The following DLGAP2 variants were observed in gnomAD, a reference collection of about 807,000 sequenced individuals.
The protein encoded by DLGAP2 is DLG associated protein 2, also known as disks large-associated protein 2.
A neutral mutation model predicts 100.3 loss-of-function variants in DLGAP2; 26 were observed. The observed-to-expected ratio is 0.26, with a 90% CI of 0.19 to 0.36. The LOEUF is 0.36. Ranked by LOEUF, DLGAP2 falls within the 10% of genes least tolerant of loss-of-function variation. The probability of loss-of-function intolerance (pLI) is 1.00; values close to 1 mark genes in which losing one functional copy is unlikely to be tolerated. For missense variants in DLGAP2, 1,858 were observed against 1,453.2 expected (o/e 1.28, Z -4.53); for synonymous variants, 886 against 630.1 (o/e 1.41, Z -6.08).
At chr8:1,497,708 G>A (rs4876069) in intron 3 of DLGAP2, among the ~76,000 whole-genome samples, 84,260 of 152,096 alleles carry the variant, frequency 0.55, 25,332 homozygotes, top group South Asian at 0.71. Context: ...TTCTTGCCTA[G>A]TGAGGGTTCT....
chr8:1,458,079 T>G (rs1798372107), intron 3 of DLGAP2, among the ~76,000 whole-genome samples: 2 of 148,690 alleles, frequency 1.3e-5, no homozygotes, highest in Non-Finnish European at 3.0e-5. Flanking sequence ...ATTTTTTGTA[T>G]GTGTTTTTAG....
At chr8:925,155 A>G (rs1334108281) in intron 2 of DLGAP2, among the ~76,000 whole-genome samples, 1 of 151,912 alleles carries the variant, frequency 6.6e-6, no homozygotes, top group African/African-American at 2.4e-5. Context: ...CTTTTAGAGA[A>G]GAAATCTTAT....
In DLGAP2 at chr8:1,447,587, G is replaced by A. The variant is rs144224528; in HGVS notation, c.107-53779G>A. 6.3e-3 allele frequency among the ~76,000 whole-genome samples: 963 copies of A among 152,342 alleles called. 8 individuals are homozygous for A. The highest frequency in any genetic ancestry group is 0.021 in the African/African-American group (888 of 41,578). On this transcript the variant is annotated intron_variant, in intron 3 of 14. Transcript: ENST00000637795. Reference sequence around the variant, plus strand: ...CTCTGCCCGGCTTTGGTATCAGAATGATGCTGGCCTCATAAAATGAGTTTG... The same window carrying A: ...CTCTGCCCGGCTTTGGTATCAGAATAATGCTGGCCTCATAAAATGAGTTTG...
chr8:1,416,068 T>C (rs1322023500), intron 3 of DLGAP2, among the ~76,000 whole-genome samples: 3 of 152,240 alleles, frequency 2.0e-5, no homozygotes, highest in African/African-American at 7.2e-5. Flanking sequence ...GACTTAAAGA[T>C]GTTATTAGAT....
intron 1 of DLGAP2, among the ~76,000 whole-genome samples, chr8:807,951 G>C (rs186821964): frequency 6.6e-6 from 1 of 152,290 alleles, no homozygotes; most frequent in East Asian, 1.9e-4. Context: ...GATAAGATGT[G>C]GTAGCAGTGA....
chr8:1,152,732 G>C (rs1796717570), intron 2 of DLGAP2, among the ~76,000 whole-genome samples: 1 of 152,206 alleles, frequency 6.6e-6, no homozygotes, highest in Non-Finnish European at 1.5e-5. Flanking sequence ...TGCTTGCTTA[G>C]AATCAGCTTC....
At chr8:1,304,325 G>A (rs541257123) in intron 3 of DLGAP2, among the ~76,000 whole-genome samples, 15 of 152,324 alleles carry the variant, frequency 9.8e-5, no homozygotes, top group African/African-American at 3.6e-4. Context: ...TGATGATGAA[G>A]ACGACACAGA....
chr8:1,127,089 C>G (rs911693383), intron 2 of DLGAP2, among the ~76,000 whole-genome samples: 2 of 144,810 alleles, frequency 1.4e-5, no homozygotes, highest in African/African-American at 5.1e-5. Flanking sequence ...GACCCCCACC[C>G]TGTCCCAGCA....
intron 2 of DLGAP2, among the ~76,000 whole-genome samples, chr8:927,835 C>T (rs1312626260): frequency 6.6e-6 from 1 of 152,118 alleles, no homozygotes; most frequent in African/African-American, 2.4e-5. Flanking sequence ...AAAAAAAGGG[C>T]AGAGTTCAGA....
At chr8:1,436,276 G>A (rs1021184457) in intron 3 of DLGAP2, among the ~76,000 whole-genome samples, 1 of 152,204 alleles carries the variant, frequency 6.6e-6, no homozygotes, top group East Asian at 1.9e-4. Flanking sequence ...CAAACCACTG[G>A]TGTGAGTCCA....
intron 3 of DLGAP2, among the ~76,000 whole-genome samples, chr8:1,361,084 C>G (rs376428258): frequency 6.6e-6 from 1 of 152,196 alleles, no homozygotes; most frequent in Non-Finnish European, 1.5e-5. Context: ...GGGACCAGCC[C>G]CAGGCTGTTC....
intron 3 of DLGAP2, among the ~76,000 whole-genome samples, chr8:1,282,500 C>G (rs1398200108): frequency 4.6e-4 from 57 of 123,292 alleles, no homozygotes; most frequent in African/African-American, 1.3e-3. Context: ...AGCACGTGAA[C>G]CATCCAGACG....
chr8:1,699,812 C>T (rs1418550032), intron 14 of DLGAP2, among the ~76,000 whole-genome samples: 1 of 152,110 alleles, frequency 6.6e-6, no homozygotes, highest in Non-Finnish European at 1.5e-5. Flanking sequence ...GTGCCACACC[C>T]ACAGGCCTGG....
intron 2 of DLGAP2, among the ~76,000 whole-genome samples, chr8:959,549 C>A (rs546948288): frequency 5.3e-5 from 8 of 152,190 alleles, no homozygotes; most frequent in African/African-American, 1.9e-4. Flanking sequence ...GCTCTGTGCC[C>A]GTCGTCACAA....
intron 2 of DLGAP2, among the ~76,000 whole-genome samples, chr8:1,197,129 C>T (rs1459474805): frequency 1.0e-5 from 1 of 97,952 alleles, no homozygotes; most frequent in Non-Finnish European, 2.2e-5. Flanking sequence ...GGAGGATGCA[C>T]ACCCGCATTG....
chr8:1,259,324 A>G (rs1028387984), intron 3 of DLGAP2, among the ~76,000 whole-genome samples: 15 of 152,148 alleles, frequency 9.9e-5, no homozygotes, highest in Non-Finnish European at 1.9e-4. Flanking sequence ...AGTGATGTTC[A>G]TCAGTGTTGC....
chr8:1,539,883 C>T (rs1302301743), intron 4 of DLGAP2, among the ~76,000 whole-genome samples: 1 of 152,192 alleles, frequency 6.6e-6, no homozygotes, highest in African/African-American at 2.4e-5. Flanking sequence ...TCCTGTGCCC[C>T]CCAAGCCCCT....
intron 2 of DLGAP2, among the ~76,000 whole-genome samples, chr8:1,202,034 C>T (rs1398449442): frequency 6.9e-6 from 1 of 144,674 alleles, no homozygotes; most frequent in South Asian, 2.2e-4. Flanking sequence ...CATGTGTGCA[C>T]ATGTGCAGTA....
intron 2 of DLGAP2, among the ~76,000 whole-genome samples, chr8:1,039,487 C>T (rs559273532): frequency 5.6e-4 from 79 of 141,208 alleles, no homozygotes; most frequent in African/African-American, 2.0e-3. Context: ...TTTCCGTGGT[C>T]GGCTCGGTGT....
Sources: allele counts gnomAD v4.1 joint callset (sites outside exome capture counted in the v4.1 genomes callset), GRCh38; gene constraint gnomAD v4.1.1; transcripts MANE v1.5; gene names NCBI Gene and HGNC (gene_info 2026-07-23, HGNC 2026-07-21).